Variants in NRCAM observed in about 807,000 individuals in gnomAD.
NRCAM encodes the protein neuronal cell adhesion molecule.
In NRCAM, 83 loss-of-function variants were observed where a neutral mutation model predicts 156.5. The observed-to-expected ratio is 0.53, with a 90% confidence interval of 0.44 to 0.64. The LOEUF is 0.64. NRCAM is among the 30% of genes least tolerant of loss of function. The pLI is 0.00. For synonymous variants in NRCAM, 538 were observed against 563.9 expected, an observed-to-expected ratio of 0.95 and a Z score of 0.65; for missense variants, 1,417 against 1,597.3, an observed-to-expected ratio of 0.89 and a Z score of 1.92.
chr7:108,322,598 G>A (rs2099015590), intron 2 of NRCAM, among the ~76,000 whole-genome samples: 1 of 151,922 alleles, frequency 6.6e-6, no homozygotes, highest in Non-Finnish European at 1.5e-5. Context: ...TTATGGCTTG[G>A]GAGGACTCCC....
intron 32 of NRCAM, among the ~76,000 whole-genome samples, chr7:108,152,669 T>A (rs1471600934): frequency 2.6e-5 from 4 of 152,164 alleles, no homozygotes; most frequent in Non-Finnish European, 5.9e-5. Context: ...CACGCCCATT[T>A]ATCACATAAT....
chr7:108,193,267 G>T (rs2073154858), intron 17 of NRCAM, among the ~76,000 whole-genome samples: 1 of 152,166 alleles, frequency 6.6e-6, no homozygotes, highest in African/African-American at 2.4e-5. Context: ...TAAAAGAGAA[G>T]GCCACAGAGT....
At chr7:108,319,718 T>G (rs933182439) in intron 2 of NRCAM, among the ~76,000 whole-genome samples, 4 of 152,180 alleles carry the variant, frequency 2.6e-5, no homozygotes, top group Non-Finnish European at 5.9e-5. Context: ...ATGACTGAGC[T>G]GAGGTCCTAC....
intron 2 of NRCAM, among the ~76,000 whole-genome samples, chr7:108,341,794 T>C (rs965831857): frequency 3.3e-5 from 5 of 152,130 alleles, no homozygotes; most frequent in Non-Finnish European, 7.4e-5. Flanking sequence ...AACCATTCAA[T>C]AGTCCCTCCA....
In NRCAM at chr7:108,452,752, C is replaced by T. The variant is rs575278117; in HGVS notation, c.-332+3491G>A. Among the ~76,000 whole-genome samples, 50 of 152,358 alleles carry T rather than the reference C, an allele frequency of 3.3e-4. 1 individual carries two copies. The highest frequency in any genetic ancestry group is 1.1e-3 in the African/African-American group (44 of 41,578). On this transcript the variant is annotated intron_variant, in intron 1 of 32. Coordinates refer to ENST00000379028, the MANE Select transcript of NRCAM (RefSeq NM_001037132.4). ...CCTAAAGAATATGTTAGAAGCTCTA[C>T]ATTCCAGTTAAATTTGCTATGGGTT...
chr7:108,235,900 A>C (rs1343997251), intron 5 of NRCAM, among the ~76,000 whole-genome samples: 1 of 152,190 alleles, frequency 6.6e-6, no homozygotes, highest in Non-Finnish European at 1.5e-5. Flanking sequence ...GGAGCTGTGC[A>C]ATGCAGTGGC....
rs1589260506 is a variant in NRCAM, at chr7:108,230,959, G to T, written c.550+72C>A. On this transcript the variant is annotated intron_variant, in intron 8 of 32. Transcript: ENST00000379028. ...TAAAACATTTTATGAATCATAAGAG[G>T]TAATAATGTATTATGACTGTAAACA... 7 of 1,174,732 alleles carry T rather than the reference G, an allele frequency of 6.0e-6. No homozygotes were observed. The East Asian group carries it at 1.7e-4, about 29-fold the overall frequency. The allele number at this position is 1,174,732 out of a possible 1,614,324, so 72.8% of individuals were successfully genotyped here. A position where few individuals can be genotyped will look rare whatever the true frequency, so the allele number is the denominator to read the frequency against.
intron 2 of NRCAM, among the ~76,000 whole-genome samples, chr7:108,321,927 T>A (rs1462433704): frequency 6.6e-6 from 1 of 152,190 alleles, no homozygotes; most frequent in Non-Finnish European, 1.5e-5. Flanking sequence ...AAACCAGATG[T>A]AAAGACAGGC....
chr7:108,157,127 A>C (rs989925969), intron 32 of NRCAM, among the ~76,000 whole-genome samples: 6 of 152,128 alleles, frequency 3.9e-5, no homozygotes, highest in Admixed American at 3.9e-4. Context: ...TTATGTTTCA[A>C]GTTGAAGACA....
chr7:108,355,964 T>G (rs942961501), intron 2 of NRCAM, among the ~76,000 whole-genome samples: 1 of 150,256 alleles, frequency 6.7e-6, no homozygotes, highest in African/African-American at 2.4e-5. Flanking sequence ...TTTTTTGAGA[T>G]GGAGTCTCGC....
chr7:108,156,217 G>C (rs927464506), intron 32 of NRCAM: 22 of 786,476 alleles, frequency 2.8e-5, no homozygotes, highest in Non-Finnish European at 3.1e-5. Flanking sequence ...ATGAGCATGG[G>C]TTAGCATGCT....
chr7:108,173,492 T>A (rs1257314513), intron 28 of NRCAM, among the ~76,000 whole-genome samples: 2 of 152,144 alleles, frequency 1.3e-5, no homozygotes, highest in Admixed American at 6.6e-5. Flanking sequence ...GAGGATAGAA[T>A]TCATTTTCAG....
At chr7:108,315,561 T>C in intron 2 of NRCAM, among the ~76,000 whole-genome samples, 1 of 152,192 alleles carries the variant, frequency 6.6e-6, no homozygotes, top group Non-Finnish European at 1.5e-5. Flanking sequence ...CTCCATCAGA[T>C]GGCACCCAGA....
At chr7:108,368,231 C>CA (rs1554569373) in intron 2 of NRCAM, among the ~76,000 whole-genome samples, 8 of 106,316 alleles carry the variant, frequency 7.5e-5, no homozygotes, top group Middle Eastern at 4.5e-3. Flanking sequence ...CATACCCCCC[C>CA]CCACCCCCCC....
Position 108,178,054 on chromosome 7 carries a change from C to T in NRCAM, c.2910G>A (p.Leu970=). The T allele has an allele frequency of 6.2e-7, 1 of 1,613,602 alleles. No homozygotes were observed. The highest frequency in any genetic ancestry group is 8.5e-7 in the Non-Finnish European group (1 of 1,179,642). The change falls in exon 26 of 33, where the codon TTG becomes TTA. Residue 970 remains leucine, a synonymous_variant. Transcript: ENST00000379028. ...TCGGGTGGCTCGGTGGATCCCATTCCAAAGTGAGAGAGTCCAGTGTTGGAT... is the reference window on the plus strand; with the variant it reads ...TCGGGTGGCTCGGTGGATCCCATTCTAAAGTGAGAGAGTCCAGTGTTGGAT... ...IVNPTLDSLT[L]EWDPPSHPNG...
chr7:108,412,829 A>T (rs1354066639), intron 1 of NRCAM, among the ~76,000 whole-genome samples: 2 of 152,154 alleles, frequency 1.3e-5, no homozygotes, highest in Non-Finnish European at 2.9e-5. Flanking sequence ...TTATTTCACT[A>T]AACATAATGT....
At chr7:108,166,865 AC>A in intron 30 of NRCAM, 55 bp downstream of exon 30, 1 of 1,546,206 alleles carries the variant, frequency 6.5e-7, no homozygotes, top group Non-Finnish European at 8.9e-7. Context: ...CAGCTGGAGC[AC>A]CTGGCGGCCT....
chr7:108,298,181 A>G (rs1482712379), intron 3 of NRCAM, among the ~76,000 whole-genome samples: 2 of 152,228 alleles, frequency 1.3e-5, no homozygotes, highest in Non-Finnish European at 2.9e-5. Flanking sequence ...TATTACCAAT[A>G]ATCATATTAA....
chr7:108,168,312 T>C lies in NRCAM; in HGVS notation c.3278A>G (p.His1093Arg). 1 of 1,605,096 alleles carries C rather than the reference T, an allele frequency of 6.2e-7. No homozygotes were observed. The highest frequency in any genetic ancestry group is 8.5e-7 in the Non-Finnish European group (1 of 1,176,402). ...NISWEYEGPE[H>R]VNFYVEYGVA... ...ACCATATTCAACATAAAAGTTCACATGCTCTGGTCCCTCATATTCCCAACT... is the reference window on the plus strand; with the variant it reads ...ACCATATTCAACATAAAAGTTCACACGCTCTGGTCCCTCATATTCCCAACT... The change falls in exon 29 of 33, where the codon CAT becomes CGT. Residue 1093 changes from histidine (H) to arginine (R), a missense_variant. His to Arg is a conservative substitution (Grantham distance 29). Coordinates refer to ENST00000379028, the MANE Select transcript of NRCAM (RefSeq NM_001037132.4).
Sources: allele counts gnomAD v4.1 joint callset (sites outside exome capture counted in the v4.1 genomes callset), GRCh38; gene constraint gnomAD v4.1.1; transcripts MANE v1.5; gene names NCBI Gene and HGNC (gene_info 2026-07-23, HGNC 2026-07-21).